ZNF684: variants seen among roughly 807,000 people sequenced by gnomAD.
ZNF684 encodes the protein zinc finger protein 684.
A neutral mutation model predicts 12.8 loss-of-function variants in ZNF684; 13 were observed. The ratio of observed to expected loss-of-function variants is 1.02; its 90% confidence interval spans 0.66 to 1.62. ZNF684 has a LOEUF of 1.62. ZNF684 is among the 40% of genes most tolerant of loss of function. The pLI is 0.00. For synonymous variants in ZNF684, 118 were observed against 151.8 expected, an observed-to-expected ratio of 0.78 and a Z score of 1.64; for missense variants, 384 against 446.9, an observed-to-expected ratio of 0.86 and a Z score of 1.27.
chr1:40,546,492 TA>T (rs1646049317), intron 4 of ZNF684, 69 bp from the exon 5 acceptor site: 1 of 1,395,100 alleles, frequency 7.2e-7, no homozygotes, highest in African/African-American at 1.5e-5. Context: ...TTTGAAATTA[TA>T]GACGTTTTTC....
intron 1 of ZNF684, among the ~76,000 whole-genome samples, chr1:40,532,108 C>T (rs2124504948): frequency 6.6e-6 from 1 of 152,172 alleles, no homozygotes. Context: ...CTGGAGCCTG[C>T]GACAATTTTA....
At chr1:40,545,524 G>A (rs1317319292) in intron 4 of ZNF684, among the ~76,000 whole-genome samples, 1 of 152,126 alleles carries the variant, frequency 6.6e-6, no homozygotes, top group Non-Finnish European at 1.5e-5. Context: ...ATAGCAAATA[G>A]ACAGAATCTG....
chr1:40,533,721 T>G (rs1645969301), intron 2 of ZNF684, among the ~76,000 whole-genome samples: 2 of 152,172 alleles, frequency 1.3e-5, no homozygotes, highest in African/African-American at 4.8e-5. Context: ...TTGTACCTTT[T>G]CCAGTCTCTA....
chr1:40,546,201 G>A (rs571522974), intron 4 of ZNF684, among the ~76,000 whole-genome samples: 19 of 152,278 alleles, frequency 1.2e-4, no homozygotes, highest in South Asian at 6.2e-4. Flanking sequence ...GGTTACAGGC[G>A]TGAGCCGCCA....
intron 2 of ZNF684, among the ~76,000 whole-genome samples, chr1:40,536,681 A>G (rs1211791434): frequency 8.5e-6 from 1 of 117,164 alleles, no homozygotes; most frequent in African/African-American, 3.3e-5. Flanking sequence ...ACCCCACAAC[A>G]GGCCCCAGAG....
chr1:40,532,650 A>T (rs750553557), intron 1 of ZNF684, among the ~76,000 whole-genome samples: 10 of 152,254 alleles, frequency 6.6e-5, no homozygotes, highest in Non-Finnish European at 1.2e-4. Context: ...CTTAACAAAA[A>T]AAAAATAAAA....
chr1:40,540,750 G>T (rs760877364), intron 3 of ZNF684, 38 bp downstream of exon 3: 29 of 1,553,130 alleles, frequency 1.9e-5, no homozygotes, highest in Non-Finnish European at 2.5e-5. Context: ...GTGTAATTCA[G>T]TGTATACTAA....
intron 1 of ZNF684, 132 bp from the exon 2 acceptor site, chr1:40,533,011 T>C (rs1645965817): frequency 1.6e-6 from 1 of 624,092 alleles, no homozygotes; most frequent in Non-Finnish European, 2.8e-6. Flanking sequence ...GAAATGTCAT[T>C]CTCCCCCACT....
intron 4 of ZNF684, among the ~76,000 whole-genome samples, chr1:40,545,750 T>G (rs181978716): frequency 6.6e-6 from 1 of 152,092 alleles, no homozygotes; most frequent in East Asian, 1.9e-4. Context: ...TGCAGAATGA[T>G]TAAGAGGAAA....
At chr1:40,540,733 C>G in intron 3 of ZNF684, 21 bp downstream of exon 3, 1 of 1,575,700 alleles carries the variant, frequency 6.3e-7, no homozygotes, top group Non-Finnish European at 8.6e-7. Flanking sequence ...TGAGTGGTAA[C>G]TTTTCAGTGT....
intron 4 of ZNF684, among the ~76,000 whole-genome samples, chr1:40,545,798 A>G (rs1290981275): frequency 1.3e-5 from 2 of 151,942 alleles, no homozygotes; most frequent in Non-Finnish European, 2.9e-5. Context: ...TATCCTACCA[A>G]TGTTGTCTAG....
intron 2 of ZNF684, among the ~76,000 whole-genome samples, chr1:40,539,947 T>C (rs1264447059): frequency 6.6e-6 from 1 of 151,500 alleles, no homozygotes; most frequent in African/African-American, 2.4e-5. Flanking sequence ...TTATTGTTGA[T>C]TTTTTTCTCC....
intron 4 of ZNF684, among the ~76,000 whole-genome samples, chr1:40,545,519 AAATAGACAG>A (rs1646041780): frequency 1.3e-5 from 2 of 152,238 alleles, no homozygotes; most frequent in African/African-American, 4.8e-5. Context: ...AAATAATAGC[AAATAGACAG>A]AATCTGTTTG....
chr1:40,537,777 G>A (rs1198288924), intron 2 of ZNF684, among the ~76,000 whole-genome samples: 3 of 152,022 alleles, frequency 2.0e-5, no homozygotes, highest in African/African-American at 7.2e-5. Flanking sequence ...ACAATTCAGT[G>A]GTTTTTTAGT....
At chr1:40,536,034 A>G (rs1297015849) in intron 2 of ZNF684, among the ~76,000 whole-genome samples, 2 of 152,188 alleles carry the variant, frequency 1.3e-5, no homozygotes, top group Non-Finnish European at 2.9e-5. Context: ...ATATGTAACT[A>G]CTTGTCTTTA....
chr1:40,541,451 C>T (rs1042839606), intron 3 of ZNF684, 164 bp from the exon 4 acceptor site: 15 of 505,152 alleles, frequency 3.0e-5, no homozygotes, highest in African/African-American at 1.2e-4. Flanking sequence ...CCAAAGTGTT[C>T]GGATTACAGG....
chr1:40,540,616 G>A lies in ZNF684; in HGVS notation c.46G>A (p.Asp16Asn), dbSNP rs1432389140. ...ESVTFQDVAV[D>N]FTAEEWQLLD... ...AGTGACATTCCAGGATGTGGCTGTG[G>A]ATTTCACTGCAGAGGAGTGGCAGCT... The change falls in exon 3 of 5, where the codon GAT (aspartate) becomes AAT (asparagine). Residue 16 changes from aspartate (D) to asparagine (N), a missense_variant. Transcript: ENST00000372699. 1.2e-6 allele frequency: 2 copies of A among 1,611,456 alleles called. No homozygotes were observed. Among genetic ancestry groups the A allele is most frequent in the Admixed American group, 3.4e-5 (2 of 59,494 alleles).
In ZNF684 at chr1:40,533,190, T is replaced by A; in HGVS notation, c.15+9T>A. ...AAATGATCAGCTTCCAGGTAAGGTATCCATCTATTCATCCAGTTGTTTAAA... is the reference window on the plus strand; with the variant it reads ...AAATGATCAGCTTCCAGGTAAGGTAACCATCTATTCATCCAGTTGTTTAAA... On this transcript the variant is annotated intron_variant, in intron 2 of 4. Transcript: ENST00000372699. The A allele has an allele frequency of 6.2e-7, 1 of 1,613,350 alleles. No individual in the cohort carries two copies. The highest frequency in any genetic ancestry group is 8.5e-7 in the Non-Finnish European group (1 of 1,179,520).
Position 40,546,777 on chromosome 1 carries a change from A to C in ZNF684, c.454A>C (p.Ser152Arg). 1.2e-6 allele frequency: 2 copies of C among 1,612,216 alleles called. No individual in the cohort carries two copies. The highest frequency in any genetic ancestry group is 1.7e-6 in the Non-Finnish European group (2 of 1,179,532). Residue 152 changes from serine (S) to arginine (R), a missense_variant, in exon 5 of 5, where the codon AGT (serine) becomes CGT (arginine). Ser to Arg is a moderately radical substitution (Grantham distance 110). Transcript: ENST00000372699. The part of the protein sequence containing the change: ...PNLDLLKYNR[S>R]YTVENAYECS... ...TTTAGACTTACTTAAATATAATAGA[A>C]GTTATACTGTAGAAAACGCTTATGA...
Sources: allele counts gnomAD v4.1 joint callset (sites outside exome capture counted in the v4.1 genomes callset), GRCh38; gene constraint gnomAD v4.1.1; transcripts MANE v1.5; gene names NCBI Gene and HGNC (gene_info 2026-07-23, HGNC 2026-07-21).